Variants in MCM9 observed in about 807,000 individuals in gnomAD.
MCM9 encodes the protein DNA helicase MCM9.
MCM9 carries 55 observed loss-of-function variants against 72.8 expected under a neutral mutation model. The observed-to-expected ratio is 0.76, with a 90% CI of 0.61 to 0.95. MCM9 has a LOEUF of 0.95. MCM9 is among the 40% of genes least tolerant of loss of function. The probability of loss-of-function intolerance (pLI) is 0.00; values close to 1 mark genes in which losing one functional copy is unlikely to be tolerated. For missense variants in MCM9, 1,279 were observed against 1,377.0 expected (o/e 0.93, Z 1.13); for synonymous variants, 480 against 503.4 (o/e 0.95, Z 0.62).
Position 118,924,084 on chromosome 6 carries a change from T to C in MCM9, c.348A>G (p.Lys116=), listed in dbSNP as rs1433112094. The C allele has an allele frequency of 6.2e-7, 1 of 1,614,174 alleles. No individual in the cohort carries two copies. The highest frequency in any genetic ancestry group is 1.1e-5 in the South Asian group (1 of 91,082). The change falls in exon 4 of 14, where the codon AAA becomes AAG. Residue 116 remains lysine (K), a synonymous_variant. Transcript: ENST00000619706. ...ATAAAAAGTGTCCCACATCCTTGGTTTTAGGTATGTGTTCCCTCACCAGCT... is the reference window on the plus strand; with the variant it reads ...ATAAAAAGTGTCCCACATCCTTGGTCTTAGGTATGTGTTCCCTCACCAGCT... ...CPELVREHIP[K]TKDVGHFLSV... is the part of the protein sequence containing the mutation.
At chr6:118,921,848 G>C (rs892815262) in intron 5 of MCM9, 157 bp downstream of exon 5, 21 of 576,362 alleles carry the variant, frequency 3.6e-5, no homozygotes, top group Middle Eastern at 3.2e-4. Context: ...CTCTCTTCCT[G>C]CTATCACTTC....
intron 9 of MCM9, among the ~76,000 whole-genome samples, chr6:118,841,568 G>A (rs143154617): frequency 0.02 from 3,034 of 152,256 alleles, 112 homozygotes; most frequent in African/African-American, 0.07. Flanking sequence ...AGATTCCCAG[G>A]TCCCACTTTA....
intron 8 of MCM9, among the ~76,000 whole-genome samples, chr6:118,860,489 T>C (rs756408574): frequency 2.2e-4 from 34 of 152,002 alleles, no homozygotes; most frequent in Non-Finnish European, 2.9e-4. Context: ...AACATACATG[T>C]GATGGGAATA....
chr6:118,850,455 G>A (rs1776148793), intron 9 of MCM9, among the ~76,000 whole-genome samples: 1 of 151,804 alleles, frequency 6.6e-6, no homozygotes, highest in Admixed American at 6.6e-5. Context: ...GAATATCCCT[G>A]TAAGAAGGGT....
chr6:118,908,743 C>T (rs528293403), intron 8 of MCM9: 1 of 152,610 alleles, frequency 6.6e-6, no homozygotes, highest in African/African-American at 2.4e-5. Context: ...TAAGTCCTTC[C>T]TCAAAAAATT....
intron 13 of MCM9, among the ~76,000 whole-genome samples, chr6:118,817,589 C>T (rs2114496588): frequency 6.6e-6 from 1 of 152,270 alleles, no homozygotes; most frequent in Admixed American, 6.5e-5. Flanking sequence ...AATAGAGCTG[C>T]AATAAACATA....
At position 118,837,229 on chromosome 6, in the gene MCM9, CTGTT is replaced by C. The variant is rs369027033; in HGVS notation, c.1326-7983_1326-7980del. The stretch of plus-strand genomic sequence containing the variant: ...TTTGATTGCACTGTGGTCTGAGAGA[CTGTT>C]TGTTATGATTTTCACTCTTTTGCAT... On this transcript the variant is annotated intron_variant, in intron 9 of 13. Transcript: ENST00000619706. 7.5e-3 allele frequency among the ~76,000 whole-genome samples: 1,148 copies of C among 152,234 alleles called. 8 individuals are homozygous for C. Among genetic ancestry groups the C allele is most frequent in the South Asian group, 0.029 (138 of 4,814 alleles).
intron 8 of MCM9, among the ~76,000 whole-genome samples, chr6:118,886,352 A>G (rs906553078): frequency 9.2e-5 from 14 of 151,496 alleles, no homozygotes; most frequent in Admixed American, 4.6e-4. Flanking sequence ...AAAAAGAAAA[A>G]AGAGAGAGAG....
chr6:118,911,015 G>A (rs1415191709), intron 8 of MCM9: 3 of 984,936 alleles, frequency 3.0e-6, no homozygotes, highest in African/African-American at 1.7e-5. Context: ...AATCAAAACT[G>A]TAAAAATACA....
At chr6:118,856,880 T>TA (rs964668569) in intron 8 of MCM9, among the ~76,000 whole-genome samples, 13 of 151,618 alleles carry the variant, frequency 8.6e-5, no homozygotes, top group African/African-American at 2.4e-5. Flanking sequence ...GATCTTGTCT[T>TA]AAAAAAACAA....
At chr6:118,876,779 A>T (rs1777955480) in intron 8 of MCM9, among the ~76,000 whole-genome samples, 1 of 152,226 alleles carries the variant, frequency 6.6e-6, no homozygotes, top group African/African-American at 2.4e-5. Flanking sequence ...CAGAATATAT[A>T]AAGAATTTGC....
Position 118,917,668 on chromosome 6 carries a change from T to G in MCM9, c.797A>C (p.Asn266Thr), listed in dbSNP as rs1179215878. Residue 266 changes from asparagine to threonine, a missense_variant, in exon 6 of 14, where the codon AAT becomes ACT. Physicochemically the swap from Asn to Thr is moderately conservative, Grantham distance 65. Coordinates refer to ENST00000619706, the MANE Select transcript of MCM9 (RefSeq NM_017696.3). Reference protein sequence around the residue: ...RCEVEIVLKANYIQVNNEQSS... With the variant: ...RCEVEIVLKATYIQVNNEQSS... ...CTGCTCATTATTTACTTGGATGTAA[T>G]TTGCTTTCAGGACTATCTCCACTTC... 6.2e-7 allele frequency: 1 copy of G among 1,614,174 alleles called. No homozygotes were observed. Among genetic ancestry groups the G allele is most frequent in the Non-Finnish European group, 8.5e-7 (1 of 1,180,018 alleles).
Position 118,826,180 on chromosome 6 carries a change from C to A in MCM9, c.1928G>T (p.Ser643Ile). The change falls in exon 13 of 14, where the codon AGC becomes ATC. Residue 643 changes from serine (S) to isoleucine (I), a missense_variant. By Grantham distance (142) the Ser-to-Ile change is moderately radical. Transcript: ENST00000619706. The stretch of plus-strand genomic sequence containing the variant: ...TCTTCTAAGCTCTTCACTCAAGAGG[C>A]TCTGCAGCTCTAGCTTTTCCAGAAT... ...ELILEKLELQ[S>I]LLSEELRRLE... 6.4e-7 allele frequency: 1 copy of A among 1,550,490 alleles called. No individual in the cohort carries two copies.
chr6:118,910,684 A>G (rs575025658), intron 8 of MCM9: 2 of 985,374 alleles, frequency 2.0e-6, no homozygotes, highest in East Asian at 2.3e-4. Context: ...AACGCATGGG[A>G]AATATTCTTT....
At chr6:118,904,478 T>G (rs1400604866) in intron 8 of MCM9, among the ~76,000 whole-genome samples, 1 of 152,210 alleles carries the variant, frequency 6.6e-6, no homozygotes, top group Non-Finnish European at 1.5e-5. Flanking sequence ...CCACCCAGAA[T>G]GGCTGCCTCA....
chr6:118,909,500 C>T (rs975566868), intron 8 of MCM9, among the ~76,000 whole-genome samples: 5 of 152,008 alleles, frequency 3.3e-5, no homozygotes, highest in Admixed American at 6.5e-5. Context: ...TTTTTCCACC[C>T]GGTCTAGCGT....
intron 9 of MCM9, among the ~76,000 whole-genome samples, chr6:118,842,684 T>C (rs762586215): frequency 2.6e-5 from 4 of 152,144 alleles, no homozygotes; most frequent in Non-Finnish European, 5.9e-5. Flanking sequence ...CACGCTTTGC[T>C]ATTTTTAAAA....
intron 9 of MCM9, among the ~76,000 whole-genome samples, chr6:118,848,201 G>A (rs1776000168): frequency 6.6e-6 from 1 of 151,826 alleles, no homozygotes; most frequent in Non-Finnish European, 1.5e-5. Context: ...TTCTGACAAA[G>A]TACAAATAAT....
intron 4 of MCM9, among the ~76,000 whole-genome samples, chr6:118,923,285 A>T (rs78798980): frequency 1.4e-5 from 2 of 144,942 alleles, no homozygotes; most frequent in Non-Finnish European, 3.0e-5. Context: ...CTCCAATGTG[A>T]TTTTTTTTTT....
Sources: allele counts gnomAD v4.1 joint callset (sites outside exome capture counted in the v4.1 genomes callset), GRCh38; gene constraint gnomAD v4.1.1; transcripts MANE v1.5; gene names NCBI Gene and HGNC (gene_info 2026-07-23, HGNC 2026-07-21).